The following KCMF1 variants were observed in gnomAD, a reference collection of about 807,000 sequenced individuals.
KCMF1 encodes the protein potassium channel modulatory factor 1.
KCMF1 carries 3 observed loss-of-function variants against 41.1 expected under a neutral mutation model. The observed-to-expected ratio is 0.07, with a 90% confidence interval of 0.03 to 0.19. The LOEUF is 0.19. KCMF1 is among the 10% of genes least tolerant of loss of function. The probability of loss-of-function intolerance (pLI) is 1.00; values close to 1 mark genes in which losing one functional copy is unlikely to be tolerated. For synonymous variants in KCMF1, 142 were observed against 164.5 expected (o/e 0.86, Z 1.04); for missense variants, 286 against 488.9 (o/e 0.58, Z 3.91).
intron 1 of KCMF1, among the ~76,000 whole-genome samples, chr2:85,019,191 A>G (rs1558577472): frequency 6.6e-6 from 1 of 152,184 alleles, no homozygotes; most frequent in Non-Finnish European, 1.5e-5. Context: ...TAAAATCACT[A>G]TTGTTAAACC....
chr2:85,017,120 G>A (rs1288962158), intron 1 of KCMF1, among the ~76,000 whole-genome samples: 2 of 149,284 alleles, frequency 1.3e-5, no homozygotes, highest in Admixed American at 1.3e-4. Flanking sequence ...CGCTTCCCGG[G>A]TTCACGCCAT....
intron 1 of KCMF1, among the ~76,000 whole-genome samples, chr2:84,986,608 T>C (rs551021883): frequency 6.6e-6 from 1 of 151,696 alleles, no homozygotes; most frequent in Non-Finnish European, 1.5e-5. Flanking sequence ...CCGGGTGCGG[T>C]GGCTCACGCC....
At position 85,058,817 on chromosome 2, in the gene KCMF1, G is replaced by C. The variant is rs1456307305; in HGVS notation, c.*5408G>C. ...CTGCTCCCTTAAATCTACCAAATTA[G>C]ACTGACAGCATTTGGAATCTGCCTC... On this transcript the variant is annotated 3_prime_UTR_variant, in exon 7 of 7. Coordinates refer to ENST00000409785, the MANE Select transcript of KCMF1 (RefSeq NM_020122.5). 1.3e-5 allele frequency: 2 copies of C among 152,154 alleles called. No homozygotes were observed. Among genetic ancestry groups the C allele is most frequent in the African/African-American group, 4.8e-5 (2 of 41,422 alleles). The allele number at this position is 152,154 out of a possible 1,614,324, so 9.4% of individuals were successfully genotyped here.
At chr2:85,018,803 T>TG (rs1674853708) in intron 1 of KCMF1, among the ~76,000 whole-genome samples, 1 of 137,674 alleles carries the variant, frequency 7.3e-6, no homozygotes, top group Admixed American at 7.2e-5. Flanking sequence ...TGATTTTTTT[T>TG]TTTTTTTTTT....
intron 1 of KCMF1, among the ~76,000 whole-genome samples, chr2:84,989,407 A>T (rs2103975246): frequency 6.6e-6 from 1 of 152,314 alleles, no homozygotes; most frequent in South Asian, 2.1e-4. Flanking sequence ...AAAGGGAGGG[A>T]TAAATGCCAG....
intron 1 of KCMF1, among the ~76,000 whole-genome samples, chr2:84,994,525 T>A (rs180828716): frequency 2.0e-5 from 3 of 152,278 alleles, no homozygotes; most frequent in African/African-American, 7.2e-5. Context: ...TGCCTCAGCC[T>A]CCTGAATAGC....
chr2:85,006,032 G>A (rs1674461165), intron 1 of KCMF1, among the ~76,000 whole-genome samples: 1 of 152,024 alleles, frequency 6.6e-6, no homozygotes, highest in South Asian at 2.1e-4. Flanking sequence ...GTAATGCCTG[G>A]TCACATATCA....
chr2:85,034,544 G>C (rs181545586), intron 2 of KCMF1, among the ~76,000 whole-genome samples: 1 of 152,306 alleles, frequency 6.6e-6, no homozygotes, highest in African/African-American at 2.4e-5. Flanking sequence ...GTAGCTATCT[G>C]GGGAAGGAAT....
At chr2:84,981,787 T>G (rs1205683588) in intron 1 of KCMF1, among the ~76,000 whole-genome samples, 2 of 152,118 alleles carry the variant, frequency 1.3e-5, no homozygotes, top group African/African-American at 4.8e-5. Context: ...GTTTGTTTGT[T>G]TGTTTTTTTG....
Position 84,996,020 on chromosome 2 carries a change from G to A in KCMF1, c.16+24553G>A, listed in dbSNP as rs372057567. On this transcript the variant is annotated intron_variant, in intron 1 of 6. Coordinates refer to ENST00000409785, the MANE Select transcript of KCMF1 (RefSeq NM_020122.5). ...TTCAGATACCACAAGCAGTATTGCC[G>A]TCAATGTTGTTTCTTTTTGAACAGC... Among the ~76,000 whole-genome samples, 75 of 152,288 alleles carry A rather than the reference G, an allele frequency of 4.9e-4. 1 individual carries two copies. Among genetic ancestry groups the A allele is most frequent in the African/African-American group, 1.6e-3 (67 of 41,572 alleles).
At chr2:84,973,580 G>A (rs927750527) in intron 1 of KCMF1, among the ~76,000 whole-genome samples, 2 of 152,108 alleles carry the variant, frequency 1.3e-5, no homozygotes, top group Admixed American at 1.3e-4. Context: ...TCTCTTTCAA[G>A]GGTCTAGTTT....
At chr2:84,976,883 CA>C (rs1381830569) in intron 1 of KCMF1, among the ~76,000 whole-genome samples, 1 of 151,764 alleles carries the variant, frequency 6.6e-6, no homozygotes, top group African/African-American at 2.4e-5. Context: ...TTTTAATTGG[CA>C]AAAATTGTAT....
chr2:85,015,673 ACAATATTTCACC>A (rs1674752646), intron 1 of KCMF1, among the ~76,000 whole-genome samples: 1 of 152,202 alleles, frequency 6.6e-6, no homozygotes. Flanking sequence ...CTCTTTAAAT[ACAATATTTCACC>A]CATTTTTCTA....
At chr2:84,992,125 GT>G (rs1226504372) in intron 1 of KCMF1, among the ~76,000 whole-genome samples, 1 of 152,182 alleles carries the variant, frequency 6.6e-6, no homozygotes, top group Non-Finnish European at 1.5e-5. Flanking sequence ...TGGGTAAGTT[GT>G]TTATCTCTCT....
At chr2:85,024,451 C>G (rs535708697) in intron 1 of KCMF1, among the ~76,000 whole-genome samples, 25 of 152,012 alleles carry the variant, frequency 1.6e-4, no homozygotes, top group African/African-American at 5.5e-4. Context: ...CCAGCCCCGG[C>G]GACAGAGTGA....
At chr2:85,028,679 T>G (rs577837314) in intron 2 of KCMF1, among the ~76,000 whole-genome samples, 1 of 151,196 alleles carries the variant, frequency 6.6e-6, no homozygotes, top group Non-Finnish European at 1.5e-5. Flanking sequence ...TTAGTAGAGA[T>G]AGGGTTTCAC....
chr2:85,033,879 T>G (rs1675345751), intron 2 of KCMF1, among the ~76,000 whole-genome samples: 1 of 152,028 alleles, frequency 6.6e-6, no homozygotes, highest in African/African-American at 2.4e-5. Context: ...AGTAACCCAG[T>G]TGGGCAAAAT....
rs140091417 is a variant in KCMF1, at chr2:84,991,836, A to T, written c.16+20369A>T. On this transcript the variant is annotated intron_variant, in intron 1 of 6. Transcript: ENST00000409785. ...GAACCATACTACTTGAGATCATATT[A>T]CAAGTTAATGACAAAGTCAGGACTA... Among the ~76,000 whole-genome samples, 20 of 152,334 alleles carry T rather than the reference A, an allele frequency of 1.3e-4. No homozygotes were observed. In the East Asian group the frequency reaches 3.9e-3, roughly 29 times the overall value.
intron 1 of KCMF1, among the ~76,000 whole-genome samples, chr2:85,004,475 G>A (rs1490543994): frequency 6.6e-6 from 1 of 151,640 alleles, no homozygotes; most frequent in African/African-American, 2.4e-5. Context: ...TCGCGCCACT[G>A]CACTCCAGCC....
Sources: allele counts gnomAD v4.1 joint callset (sites outside exome capture counted in the v4.1 genomes callset), GRCh38; gene constraint gnomAD v4.1.1; transcripts MANE v1.5; gene names NCBI Gene and HGNC (gene_info 2026-07-23, HGNC 2026-07-21).